The following LAMA2 variants were observed in gnomAD, a reference collection of about 807,000 sequenced individuals.
LAMA2 encodes laminin subunit alpha 2.
A neutral mutation model predicts 364.8 loss-of-function variants in LAMA2; 269 were observed. The observed-to-expected ratio is 0.74, with a 90% CI of 0.67 to 0.82. LAMA2 has a LOEUF of 0.82. LAMA2 is among the 40% of genes least tolerant of loss of function. The pLI, the probability that LAMA2 is intolerant of heterozygous loss-of-function variation, is 0.00. For missense variants in LAMA2, 3,807 were observed against 3,873.2 expected (o/e 0.98, Z 0.45); for synonymous variants, 1,379 against 1,370.6 (o/e 1.01, Z -0.14).
rs573608456 is a variant in LAMA2 at position 129,036,910 on chromosome 6, A to G, written c.113-13008A>G. Among the ~76,000 whole-genome samples the G allele has an allele frequency of 3.3e-5, 5 of 152,272 alleles. No individual in the cohort carries two copies. The South Asian group carries it at 8.3e-4, about 25-fold the overall frequency. On this transcript the variant is annotated intron_variant, in intron 1 of 64. Transcript: ENST00000421865. The stretch of plus-strand genomic sequence containing the variant: ...ATTTTCCAGTTCTATTAAACCCTTC[A>G]TCTGCATCGTGGATCAAATACATTA...
chr6:129,407,987 A>G (rs550493943), intron 40 of LAMA2, among the ~76,000 whole-genome samples: 14 of 152,284 alleles, frequency 9.2e-5, no homozygotes, highest in South Asian at 8.3e-4. Flanking sequence ...GAGGGCCCCA[A>G]TTGGCCAGGT....
intron 12 of LAMA2, among the ~76,000 whole-genome samples, chr6:129,222,938 A>G (rs1051523198): frequency 6.6e-6 from 1 of 152,168 alleles, no homozygotes; most frequent in African/African-American, 2.4e-5. Flanking sequence ...ACAATGGTTG[A>G]ACTAGTTTAC....
chr6:129,391,525 T>C lies in LAMA2; in HGVS notation c.5106T>C (p.Thr1702=), dbSNP rs1290706237. The C allele has an allele frequency of 2.9e-5, 46 of 1,613,812 alleles. No individual in the cohort carries two copies. Among genetic ancestry groups the C allele is most frequent in the Non-Finnish European group, 3.7e-5 (44 of 1,179,914 alleles). Residue 1702 remains threonine, a synonymous_variant, in exon 36 of 65, where the codon ACT becomes ACC. Coordinates refer to ENST00000421865, the MANE Select transcript of LAMA2 (RefSeq NM_000426.4). ...AAAAAGCTATAAAACTAAATGAAAC[T>C]CTAGGAACTCGAGACGAGGCCTTTG... ...VNEKAIKLNE[T]LGTRDEAFER...
intron 34 of LAMA2, among the ~76,000 whole-genome samples, chr6:129,381,540 C>T (rs1287024931): frequency 6.6e-6 from 1 of 151,726 alleles, no homozygotes; most frequent in Non-Finnish European, 1.5e-5. Flanking sequence ...GTTATTTGAC[C>T]CATCAGACCT....
At chr6:129,088,804 G>C (rs1043532655) in intron 3 of LAMA2, among the ~76,000 whole-genome samples, 1 of 152,000 alleles carries the variant, frequency 6.6e-6, no homozygotes, top group South Asian at 2.1e-4. Context: ...ATGGCGGTCC[G>C]GAAGAGGCAC....
chr6:129,327,036 A>G (rs1346751194), intron 28 of LAMA2, among the ~76,000 whole-genome samples: 1 of 151,924 alleles, frequency 6.6e-6, no homozygotes, highest in Non-Finnish European at 1.5e-5. Flanking sequence ...AAATTATATG[A>G]TTATGTCCAC....
intron 1 of LAMA2, among the ~76,000 whole-genome samples, chr6:129,037,774 A>T (rs1002234689): frequency 6.7e-6 from 1 of 149,500 alleles, no homozygotes; most frequent in Non-Finnish European, 1.5e-5. Flanking sequence ...GGTTCACGCC[A>T]TTCTCCCGCC....
intron 1 of LAMA2, among the ~76,000 whole-genome samples, chr6:128,971,462 A>G (rs1341989912): frequency 1.3e-5 from 2 of 152,188 alleles, no homozygotes; most frequent in Non-Finnish European, 2.9e-5. Flanking sequence ...AATGAAAATC[A>G]TTGCCAGGTG....
chr6:129,179,777 T>C (rs556566155), intron 10 of LAMA2, among the ~76,000 whole-genome samples: 4 of 152,118 alleles, frequency 2.6e-5, no homozygotes, highest in Admixed American at 6.6e-5. Context: ...AACTAAATTG[T>C]TTCAGGATTA....
At chr6:129,237,461 G>A (rs769830195) in intron 12 of LAMA2, among the ~76,000 whole-genome samples, 15 of 151,776 alleles carry the variant, frequency 9.9e-5, no homozygotes, top group Non-Finnish European at 1.5e-4. Context: ...TCAGCCTCCC[G>A]AGTAGCTGGG....
rs1217887473 is a variant in LAMA2, at chr6:129,475,238, T to C, written c.7440-152T>C. On this transcript the variant is annotated intron_variant, in intron 52 of 64. Coordinates refer to ENST00000421865, the MANE Select transcript of LAMA2 (RefSeq NM_000426.4). ...GGGTATAAGTCTATTTTTAGTTCTA[T>C]TGGGGCTTTTGCATTTCTTTCCTTT... 1.1e-5 allele frequency: 6 copies of C among 553,284 alleles called. No individual in the cohort carries two copies. In the Admixed American group the frequency reaches 1.2e-4, roughly 11 times the overall value. 34.3% of individuals were successfully genotyped at this position (553,284 alleles called of 1,614,324 possible).
chr6:128,929,305 C>T (rs1779296370), intron 1 of LAMA2: 9 of 1,251,152 alleles, frequency 7.2e-6, no homozygotes, highest in East Asian at 2.3e-5. Flanking sequence ...ACATGTCCCA[C>T]AGCTCACTCT....
intron 12 of LAMA2, among the ~76,000 whole-genome samples, chr6:129,211,814 C>G (rs2927882): frequency 0.057 from 8,693 of 152,236 alleles, 825 homozygotes; most frequent in African/African-American, 0.2. Context: ...CAGAAATATC[C>G]CTCTTTGACT....
rs138855277 is a variant in LAMA2, at chr6:129,285,586, T to A, written c.2538-2261T>A. Among the ~76,000 whole-genome samples, 682 of 152,252 alleles carry A rather than the reference T, an allele frequency of 4.5e-3. 3 individuals carry two copies. The highest frequency in any genetic ancestry group is 0.016 in the African/African-American group (645 of 41,568). Reference sequence around the variant, plus strand: ...GAGCTGAAAATAATAGGTTTTCGTTTGCTGTGATAATGATCATTGTATATC... The same window carrying A: ...GAGCTGAAAATAATAGGTTTTCGTTAGCTGTGATAATGATCATTGTATATC... On this transcript the variant is annotated intron_variant, in intron 18 of 64. Transcript: ENST00000421865.
At chr6:129,447,696 G>A (rs1782459242) in intron 45 of LAMA2, among the ~76,000 whole-genome samples, 1 of 152,156 alleles carries the variant, frequency 6.6e-6, no homozygotes, top group Non-Finnish European at 1.5e-5. Flanking sequence ...AGCAGTGTAT[G>A]GGGTAGATGA....
At chr6:129,300,252 G>A (rs1009611744) in intron 21 of LAMA2, among the ~76,000 whole-genome samples, 13 of 152,026 alleles carry the variant, frequency 8.6e-5, no homozygotes, top group African/African-American at 2.2e-4. Context: ...TGTTGTGTGC[G>A]TTTCTAACTA....
At chr6:129,400,714 C>A (rs531419547) in intron 37 of LAMA2, among the ~76,000 whole-genome samples, 1 of 152,264 alleles carries the variant, frequency 6.6e-6, no homozygotes, top group Admixed American at 6.5e-5. Flanking sequence ...ATGAAACAGT[C>A]CATTAGGTTG....
At chr6:128,884,393 G>A (rs1473353142) in intron 1 of LAMA2, among the ~76,000 whole-genome samples, 1 of 152,078 alleles carries the variant, frequency 6.6e-6, no homozygotes, top group Non-Finnish European at 1.5e-5. Context: ...CTGTAGGTTA[G>A]AAGCTTTTAA....
chr6:129,155,877 G>A (rs193203020), intron 8 of LAMA2, among the ~76,000 whole-genome samples: 110 of 151,938 alleles, frequency 7.2e-4, no homozygotes, highest in Admixed American at 1.7e-3. Context: ...TACAATTTTA[G>A]AATCAACTTG....
Sources: allele counts gnomAD v4.1 joint callset (sites outside exome capture counted in the v4.1 genomes callset), GRCh38; gene constraint gnomAD v4.1.1; transcripts MANE v1.5; gene names NCBI Gene and HGNC (gene_info 2026-07-23, HGNC 2026-07-21).